Variants in SCAMP4 observed in about 807,000 individuals in gnomAD.
SCAMP4 encodes the protein secretory carrier membrane protein 4.
Under a neutral mutation model 32.1 loss-of-function variants are expected in SCAMP4, and 19 were observed. The ratio of observed to expected loss-of-function variants is 0.59; its 90% CI spans 0.41 to 0.87. SCAMP4 has a LOEUF of 0.87. SCAMP4 is among the 40% of genes least tolerant of loss of function. The pLI is 0.00. For synonymous variants in SCAMP4, 152 were observed against 132.7 expected, an observed-to-expected ratio of 1.15 and a Z score of -1.00; for missense variants, 302 against 309.0, an observed-to-expected ratio of 0.98 and a Z score of 0.17.
chr19:1,916,397 TTCCTGAGACACCTTGA>T (rs2013735691), intron 2 of SCAMP4, among the ~76,000 whole-genome samples: 1 of 152,120 alleles, frequency 6.6e-6, no homozygotes, highest in African/African-American at 2.4e-5. Flanking sequence ...AGGGAGCGCG[TTCCTGAGACACCTTGA>T]TCTCAGATTT....
At chr19:1,918,607 C>G (rs1391304801) in intron 4 of SCAMP4, 2 of 517,594 alleles carry the variant, frequency 3.9e-6, no homozygotes, top group East Asian at 7.3e-5. Flanking sequence ...ACTATAGGTA[C>G]AAAAATTAGC....
At chr19:1,918,020 T>G (rs1599251248) in intron 3 of SCAMP4, 107 bp from the exon 4 acceptor site, 1 of 1,434,176 alleles carries the variant, frequency 7.0e-7, no homozygotes, top group South Asian at 1.3e-5. Flanking sequence ...CGACATGGGG[T>G]CACTGGGCTG....
At chr19:1,923,537 C>T (rs970728416) in intron 6 of SCAMP4, among the ~76,000 whole-genome samples, 2 of 151,308 alleles carry the variant, frequency 1.3e-5, no homozygotes, top group African/African-American at 2.4e-5. Context: ...TTGCAGGTTC[C>T]CGGTCACAGT....
intron 3 of SCAMP4, 91 bp downstream of exon 3, chr19:1,917,913 G>A (rs1378509835): frequency 1.9e-6 from 3 of 1,545,910 alleles, no homozygotes; most frequent in Admixed American, 1.7e-5. Flanking sequence ...CCCGTCGGGG[G>A]CCCACCGTCT....
intron 1 of SCAMP4, chr19:1,905,826 T>A (rs2013083401): frequency 6.6e-6 from 1 of 152,414 alleles, no homozygotes. Flanking sequence ...CGAGTTTCCG[T>A]AGCCTTCGCG....
chr19:1,917,604 A>C, intron 2 of SCAMP4, 90 bp from the exon 3 acceptor site: 1 of 1,473,570 alleles, frequency 6.8e-7, no homozygotes, highest in South Asian at 1.2e-5. Context: ...CTGCCATGAG[A>C]GGCAACCCAG....
intron 1 of SCAMP4, chr19:1,912,008 C>A: frequency 7.1e-7 from 1 of 1,415,282 alleles, no homozygotes; most frequent in Non-Finnish European, 9.2e-7. Context: ...CCTCCCGGGA[C>A]GGACTCCCCG....
intron 1 of SCAMP4, chr19:1,912,872 C>A (rs761557355): frequency 4.4e-6 from 7 of 1,601,712 alleles, no homozygotes; most frequent in Admixed American, 1.7e-5. Context: ...CCCCCCAGGC[C>A]GTCCGCGCAG....
intron 3 of SCAMP4, among the ~76,000 whole-genome samples, 152 bp downstream of exon 3, chr19:1,917,974 C>T (rs924292721): frequency 6.6e-6 from 1 of 152,254 alleles, no homozygotes; most frequent in South Asian, 2.1e-4. Context: ...AGGCTGGTGT[C>T]CAGGCCCCAG....
At chr19:1,918,610 A>G in intron 4 of SCAMP4, 1 of 520,838 alleles carries the variant, frequency 1.9e-6, no homozygotes, top group Non-Finnish European at 3.4e-6. Context: ...ATAGGTACAA[A>G]AATTAGCCAG....
intron 1 of SCAMP4, chr19:1,911,797 A>G: frequency 2.4e-6 from 1 of 414,242 alleles, no homozygotes; most frequent in Non-Finnish European, 4.2e-6. Context: ...AAAAAAATAA[A>G]ATAAAAAAAA....
At chr19:1,913,267 C>G in intron 1 of SCAMP4, 1 of 1,391,878 alleles carries the variant, frequency 7.2e-7, no homozygotes, top group South Asian at 1.5e-5. Context: ...GGGACACATA[C>G]CGCCTCCAGC....
intron 1 of SCAMP4, among the ~76,000 whole-genome samples, chr19:1,910,181 C>T (rs577781695): frequency 8.5e-5 from 13 of 152,290 alleles, no homozygotes; most frequent in South Asian, 6.2e-4. Flanking sequence ...GGGGTCTCAC[C>T]GGGCTGGAAC....
chr19:1,925,922 C>A lies in SCAMP4; in HGVS notation c.*1638C>A, dbSNP rs1337240223. ...CCTGGCAGGCCCAACCCCCCCCCAC[C>A]CCTCCCCCGCCGTGTGTGGCCCCTC... On this transcript the variant is annotated 3_prime_UTR_variant, in exon 7 of 7. Coordinates refer to ENST00000316097, the MANE Select transcript of SCAMP4 (RefSeq NM_079834.4). The A allele has an allele frequency of 6.6e-6, 1 of 152,000 alleles. No homozygotes were observed. The highest frequency in any genetic ancestry group is 1.5e-5 in the Non-Finnish European group (1 of 67,936). The allele number at this position is 152,000 out of a possible 1,614,324, so 9.4% of individuals were successfully genotyped here.
chr19:1,910,289 G>T (rs922353003), intron 1 of SCAMP4, among the ~76,000 whole-genome samples: 1 of 152,220 alleles, frequency 6.6e-6, no homozygotes, highest in East Asian at 1.9e-4. Flanking sequence ...AGCAGCTTGC[G>T]GCCGGGGGAC....
At position 1,924,113 on chromosome 19, in the gene SCAMP4, C is replaced by T. The variant is rs1179691897; in HGVS notation, c.519C>T (p.His173=). 3 of 1,607,298 alleles carry T rather than the reference C, an allele frequency of 1.9e-6. No homozygotes were observed. The highest frequency in any genetic ancestry group is 2.5e-6 in the Non-Finnish European group (3 of 1,177,602). ...CCTGTCCTCTGTCCTTGCAGGTGCA[C>T]AGGATCTACCGAGGGGCTGGCGGAA... ...AMMAIAIMKV[H]RIYRGAGGSF... The change falls in exon 7 of 7, where the codon CAC becomes CAT. Residue 173 remains histidine, a synonymous_variant. Coordinates refer to ENST00000316097, the MANE Select transcript of SCAMP4 (RefSeq NM_079834.4).
intron 1 of SCAMP4, among the ~76,000 whole-genome samples, chr19:1,914,192 G>A (rs1189113673): frequency 6.6e-6 from 1 of 152,196 alleles, no homozygotes; most frequent in African/African-American, 2.4e-5. Flanking sequence ...CAGGGAGGAG[G>A]GAGTGAGAGG....
At chr19:1,910,254 A>G (rs2013369514) in intron 1 of SCAMP4, among the ~76,000 whole-genome samples, 2 of 152,068 alleles carry the variant, frequency 1.3e-5, no homozygotes, top group Admixed American at 6.6e-5. Context: ...TCTGCTTGCA[A>G]CTCACGCAGG....
At position 1,917,690 on chromosome 19, in the gene SCAMP4, A is replaced by G; in HGVS notation, c.8-4A>G. ...TTCTGTCCGTGGGTTCTCTGTCCCT[A>G]CAGAAAAGGAGAACAACTTCCCGCC... On this transcript the variant is annotated splice_region_variant and splice_polypyrimidine_tract_variant and intron_variant, in intron 2 of 6. Transcript: ENST00000316097. The G allele has an allele frequency of 1.2e-6, 2 of 1,613,850 alleles. No homozygotes were observed. The highest frequency in any genetic ancestry group is 8.5e-7 in the Non-Finnish European group (1 of 1,179,854).
Sources: allele counts gnomAD v4.1 joint callset (sites outside exome capture counted in the v4.1 genomes callset), GRCh38; gene constraint gnomAD v4.1.1; transcripts MANE v1.5; gene names NCBI Gene and HGNC (gene_info 2026-07-23, HGNC 2026-07-21).